The following ATP13A4 variants were observed in gnomAD, a reference collection of about 807,000 sequenced individuals.
The protein encoded by ATP13A4 is probable cation-transporting ATPase 13A4.
A neutral mutation model predicts 142.5 loss-of-function variants in ATP13A4; 114 were observed. The observed-to-expected ratio is 0.80, with a 90% CI of 0.69 to 0.93. The LOEUF (loss-of-function observed/expected upper bound fraction) is 0.93. Among genes scored for constraint, ATP13A4 ranks in the 40% least tolerant of loss-of-function variants. The probability of loss-of-function intolerance (pLI) is 0.00; values close to 1 mark genes in which losing one functional copy is unlikely to be tolerated. For synonymous variants in ATP13A4, 488 were observed against 514.8 expected (o/e 0.95, Z 0.70); for missense variants, 1,392 against 1,454.0 (o/e 0.96, Z 0.69).
intron 1 of ATP13A4, among the ~76,000 whole-genome samples, chr3:193,546,389 A>T (rs1480141231): frequency 3.3e-5 from 5 of 152,154 alleles, no homozygotes; most frequent in Non-Finnish European, 7.4e-5. Flanking sequence ...GTCAGTCAGG[A>T]TATGGATTTG....
chr3:193,453,951 G>A, intron 17 of ATP13A4, 150 bp downstream of exon 17: 1 of 712,806 alleles, frequency 1.4e-6, no homozygotes, highest in Non-Finnish European at 2.5e-6. Context: ...AGTGTTCAGA[G>A]ACATGTTATG....
intron 3 of ATP13A4, among the ~76,000 whole-genome samples, chr3:193,494,152 G>A (rs1387727470): frequency 6.6e-6 from 1 of 151,798 alleles, no homozygotes; most frequent in Non-Finnish European, 1.5e-5. Flanking sequence ...AAAACCAAAG[G>A]GAGAAATGGA....
intron 1 of ATP13A4, among the ~76,000 whole-genome samples, chr3:193,534,684 G>C (rs1722500234): frequency 1.3e-5 from 2 of 152,106 alleles, no homozygotes; most frequent in Admixed American, 1.3e-4. Context: ...GAACTACAGA[G>C]ATAAAGTAGC....
chr3:193,460,191 C>T lies in ATP13A4; in HGVS notation c.1524-960G>A, dbSNP rs1454835754. On this transcript the variant is annotated intron_variant, in intron 13 of 29. Coordinates refer to ENST00000342695, the MANE Select transcript of ATP13A4 (RefSeq NM_032279.4). ...CCTTCACCCTCTCTCCCTCTGGTGTCGCACAGGAACCTCCGGCTGTTCCTC... is the reference window on the plus strand; with the variant it reads ...CCTTCACCCTCTCTCCCTCTGGTGTTGCACAGGAACCTCCGGCTGTTCCTC... 5.9e-5 allele frequency among the ~76,000 whole-genome samples: 9 copies of T among 152,162 alleles called. 1 individual carries two copies. Among genetic ancestry groups the T allele is most frequent in the African/African-American group, 1.2e-4 (5 of 41,436 alleles).
At chr3:193,444,966 G>T (rs1012305877) in intron 18 of ATP13A4, among the ~76,000 whole-genome samples, 4 of 152,206 alleles carry the variant, frequency 2.6e-5, no homozygotes, top group Non-Finnish European at 5.9e-5. Context: ...ACCTGTCAGA[G>T]ATCCAGTGTT....
At position 193,399,694 on chromosome 3, in the gene ATP13A4, A is replaced by G. The variant is rs1714201827; in HGVS notation, c.*2958T>C. Among the ~76,000 whole-genome samples, 1 of 151,958 alleles carries G rather than the reference A, an allele frequency of 6.6e-6. No individual in the cohort carries two copies. The highest frequency in any genetic ancestry group is 1.5e-5 in the Non-Finnish European group (1 of 67,982). On this transcript the variant is annotated 3_prime_UTR_variant, in exon 30 of 30. Transcript: ENST00000342695. ...AAACCCCATCTCTACTAAAAATACA[A>G]AAAATTAGCCGGGCATGGTGGCAGA...
intron 1 of ATP13A4, among the ~76,000 whole-genome samples, chr3:193,519,035 G>A (rs1721574863): frequency 6.6e-6 from 1 of 152,068 alleles, no homozygotes; most frequent in East Asian, 1.9e-4. Flanking sequence ...CAATGCAGAG[G>A]ACATTCTCCT....
Position 193,402,863 on chromosome 3 carries a change from T to C in ATP13A4, c.3380A>G (p.Glu1127Gly). Residue 1127 changes from glutamate (E) to glycine (G), a missense_variant and splice_region_variant, in exon 30 of 30, where the codon GAG becomes GGG. Physicochemically the swap from Glu to Gly is moderately conservative, Grantham distance 98 (BLOSUM62 -2). Coordinates refer to ENST00000342695, the MANE Select transcript of ATP13A4 (RefSeq NM_032279.4). ...LNFIVSLVAE[E>G]AVIENRALWM... is the part of the protein sequence containing the mutation. ...CAGGGCTCGATTTTCAATAACAGCC[T>C]CCTGCAAAATAAAATAATTACTTTT... 2 of 1,613,658 alleles carry C rather than the reference T, an allele frequency of 1.2e-6. No homozygotes were observed. Among genetic ancestry groups the C allele is most frequent in the Non-Finnish European group, 1.7e-6 (2 of 1,179,696 alleles).
intron 1 of ATP13A4, among the ~76,000 whole-genome samples, chr3:193,586,573 T>C (rs1376677614): frequency 6.6e-6 from 1 of 152,218 alleles, no homozygotes; most frequent in Admixed American, 6.5e-5. Context: ...TAGTATACAT[T>C]TTCTATAGGG....
At chr3:193,451,975 A>G (rs1430806214) in intron 17 of ATP13A4, among the ~76,000 whole-genome samples, 1 of 152,210 alleles carries the variant, frequency 6.6e-6, no homozygotes, top group Non-Finnish European at 1.5e-5. Context: ...TGTTTAGACC[A>G]TACAAGATTT....
intron 29 of ATP13A4, among the ~76,000 whole-genome samples, chr3:193,406,379 C>T (rs1714496301): frequency 6.6e-6 from 1 of 152,212 alleles, no homozygotes; most frequent in South Asian, 2.1e-4. Flanking sequence ...TCACCATGAA[C>T]ACTCCATTTG....
At chr3:193,492,808 TATA>T in intron 5 of ATP13A4, 106 bp downstream of exon 5, 2 of 830,714 alleles carry the variant, frequency 2.4e-6, no homozygotes, top group South Asian at 3.0e-5. Flanking sequence ...AATAGAGCAT[TATA>T]ATATTTTCTG....
chr3:193,449,225 G>C (rs887286979), intron 17 of ATP13A4, among the ~76,000 whole-genome samples: 2 of 152,098 alleles, frequency 1.3e-5, no homozygotes, highest in East Asian at 1.9e-4. Context: ...ATATTTTCAG[G>C]GATATTCTAC....
intron 25 of ATP13A4, among the ~76,000 whole-genome samples, chr3:193,428,160 C>T (rs1478741597): frequency 2.6e-5 from 4 of 152,112 alleles, no homozygotes; most frequent in Non-Finnish European, 4.4e-5. Flanking sequence ...CAAAAGAAGA[C>T]ATTTATGCAG....
intron 5 of ATP13A4, among the ~76,000 whole-genome samples, chr3:193,491,701 G>A (rs1037516833): frequency 6.6e-6 from 1 of 152,074 alleles, no homozygotes; most frequent in African/African-American, 2.4e-5. Context: ...GTACTTTCAG[G>A]ATTGGCATGT....
At chr3:193,456,522 A>G (rs1210917050) in intron 16 of ATP13A4, among the ~76,000 whole-genome samples, 2 of 152,222 alleles carry the variant, frequency 1.3e-5, no homozygotes, top group African/African-American at 4.8e-5. Flanking sequence ...AAAGCCTTAT[A>G]TATGATCCTA....
rs747869258 is a variant in ATP13A4, at chr3:193,414,579, C to T, written c.3014G>A (p.Ser1005Asn). The change falls in exon 26 of 30, where the codon AGT becomes AAT. Residue 1005 changes from serine to asparagine, a missense_variant and splice_region_variant. By Grantham distance (46) the Ser-to-Asn change is conservative. Transcript: ENST00000342695. Reference sequence around the variant, plus strand: ...GCAGAAGCTGAGACTATACTCATACCTGTGTATCTCCACGGAATACCAAGG... The same window carrying T: ...GCAGAAGCTGAGACTATACTCATACTTGTGTATCTCCACGGAATACCAAGG... ...RQPWYSVEIH[S>N]ACTVQNESIS... 58 of 1,613,586 alleles carry T rather than the reference C, an allele frequency of 3.6e-5. No individual in the cohort carries two copies. The highest frequency in any genetic ancestry group is 4.9e-5 in the Non-Finnish European group (58 of 1,179,596).
At chr3:193,457,247 A>AT in intron 15 of ATP13A4, 94 bp from the exon 16 acceptor site, 1 of 1,585,144 alleles carries the variant, frequency 6.3e-7, no homozygotes, top group Non-Finnish European at 8.7e-7. Flanking sequence ...ATTTTAACAA[A>AT]TAAGGGGGAA....
At position 193,402,472 on chromosome 3, in the gene ATP13A4, G is replaced by A; in HGVS notation, c.*180C>T. 1.7e-6 allele frequency: 1 copy of A among 592,802 alleles called. No individual in the cohort carries two copies. The highest frequency in any genetic ancestry group is 2.9e-5 in the East Asian group (1 of 34,744). 36.7% of individuals were successfully genotyped at this position (592,802 alleles called of 1,614,324 possible). On this transcript the variant is annotated 3_prime_UTR_variant, in exon 30 of 30. Transcript: ENST00000342695. ...AAGCCAAGAGGAAAGCACTCTTCTG[G>A]GTCAATGTTCTTCTCTGTAGACAGT... is the stretch of plus-strand genomic sequence containing the variant.
Sources: gnomAD v4.1 joint callset for allele counts (sites outside exome capture counted in the v4.1 genomes callset) on GRCh38, gnomAD v4.1.1 for gene constraint, MANE v1.5 for transcripts, NCBI Gene and HGNC (gene_info 2026-07-23, HGNC 2026-07-21) for gene names.